ADAMTS13: variants seen among roughly 807,000 people sequenced by gnomAD.
The protein encoded by ADAMTS13 is ADAM metallopeptidase with thrombospondin type 1 motif 13, also known as A disintegrin and metalloproteinase with thrombospondin motifs 13.
ADAMTS13 carries 110 observed loss-of-function variants against 155.1 expected under a neutral mutation model. The observed-to-expected ratio is 0.71, with a 90% CI of 0.61 to 0.83. The LOEUF (loss-of-function observed/expected upper bound fraction) is 0.83, where lower values mean the gene tolerates loss of function less well. ADAMTS13 is among the 40% of genes least tolerant of loss of function. ADAMTS13 has a pLI of 0.00. For synonymous variants in ADAMTS13, 758 were observed against 756.4 expected, an observed-to-expected ratio of 1.00 and a Z score of -0.03; for missense variants, 1,707 against 1,891.7, an observed-to-expected ratio of 0.90 and a Z score of 1.81.
At chr9:133,448,779 G>A in intron 22 of ADAMTS13, 51 bp downstream of exon 22, 1 of 1,584,126 alleles carries the variant, frequency 6.3e-7, no homozygotes, top group Non-Finnish European at 8.5e-7. Flanking sequence ...GTAAGTGGGA[G>A]ACCCGAGCCT....
chr9:133,415,065 C>T, intron 1 of ADAMTS13: 2 of 1,482,352 alleles, frequency 1.3e-6, no homozygotes, highest in Non-Finnish European at 1.8e-6. Context: ...TTACACACAG[C>T]AGATTGAAAA....
chr9:133,437,265 C>G (rs587701728), intron 12 of ADAMTS13, among the ~76,000 whole-genome samples: 1 of 152,164 alleles, frequency 6.6e-6, no homozygotes, highest in South Asian at 2.1e-4. Flanking sequence ...GTTCATGATA[C>G]TTTTTTTGTG....
In ADAMTS13 at chr9:133,436,814, C is replaced by T. The variant is rs1554789129; in HGVS notation, c.1309-15C>T. 3.4e-6 allele frequency: 4 copies of T among 1,161,296 alleles called. No individual in the cohort carries two copies. The highest frequency in any genetic ancestry group is 1.7e-5 in the African/African-American group (1 of 60,510). The allele number at this position is 1,161,296 out of a possible 1,614,324, so 71.9% of individuals were successfully genotyped here. On this transcript the variant is annotated splice_polypyrimidine_tract_variant and intron_variant, in intron 11 of 28. Coordinates refer to ENST00000355699, the MANE Select transcript of ADAMTS13 (RefSeq NM_139027.6). ...GCCCCACCGCCATCCCCCTCCTCTG[C>T]CTCCTCCTGGCCAGGCCTGCGAGAA...
chr9:133,458,976 C>A lies in ADAMTS13; in HGVS notation c.3912C>A (p.Ile1304=). The part of the protein sequence containing the change: ...TEGANASYIL[I]RDTHSLRTTA... Reference sequence around the variant, plus strand: ...CTGGGCTGCCCCTTTTCTCTCAGATCCGGGACACCCACAGCTTGAGGACCA... The same window carrying A: ...CTGGGCTGCCCCTTTTCTCTCAGATACGGGACACCCACAGCTTGAGGACCA... The change falls in exon 29 of 29, where the codon ATC becomes ATA. Residue 1304 remains isoleucine (I), a splice_region_variant and synonymous_variant. Transcript: ENST00000355699. 2 of 1,612,896 alleles carry A rather than the reference C, an allele frequency of 1.2e-6. No individual in the cohort carries two copies. The highest frequency in any genetic ancestry group is 1.7e-6 in the Non-Finnish European group (2 of 1,179,838).
chr9:133,419,671 C>T (rs587604092), upstream of ADAMTS13, among the ~76,000 whole-genome samples: 33 of 152,184 alleles, frequency 2.2e-4, no homozygotes, highest in Middle Eastern at 6.8e-3. Flanking sequence ...CTGAGAAGGA[C>T]GAGGACAGAG....
At chr9:133,446,714 A>G (rs1554792760) in intron 21 of ADAMTS13, among the ~76,000 whole-genome samples, 2 of 152,178 alleles carry the variant, frequency 1.3e-5, no homozygotes, top group South Asian at 4.1e-4. Flanking sequence ...GCTGGGTAAG[A>G]TGAGAATTCT....
intron 11 of ADAMTS13, 48 bp from the exon 12 acceptor site, chr9:133,436,781 C>CA: frequency 4.4e-6 from 2 of 456,510 alleles, no homozygotes; most frequent in Non-Finnish European, 8.7e-6. Context: ...TGACAACACC[C>CA]GCCCCCCGCC....
Position 133,456,583 on chromosome 9 carries a change from G to A in ADAMTS13, c.3588G>A (p.Lys1196=), listed in dbSNP as rs368262020. The A allele has an allele frequency of 5.6e-6, 9 of 1,613,492 alleles. No homozygotes were observed. The highest frequency in any genetic ancestry group is 5.9e-6 in the Non-Finnish European group (7 of 1,179,972). The change falls in exon 27 of 29, where the codon AAG becomes AAA. Residue 1196 remains lysine, a synonymous_variant. Transcript: ENST00000355699. This position sits in a 1 kb window ranked among gnomAD's most constrained non-coding sequence, Gnocchi z 4.4. ...TTTGGGGCCGGCTCACCTGGAGGAA[G>A]ATGTGCAGGAAGCTGTTGGACATGA... is the stretch of plus-strand genomic sequence containing the variant. ...LLLWGRLTWR[K]MCRKLLDMTF... is the part of the protein sequence containing the mutation.
Position 133,424,607 on chromosome 9 carries a change from T to C in ADAMTS13, c.330+129T>C. The C allele has an allele frequency of 1.4e-6, 2 of 1,381,436 alleles. No homozygotes were observed. Among genetic ancestry groups the C allele is most frequent in the Non-Finnish European group, 2.0e-6 (2 of 1,006,674 alleles). 85.6% of individuals were successfully genotyped at this position (1,381,436 alleles called of 1,614,324 possible). On this transcript the variant is annotated intron_variant, in intron 3 of 28. Coordinates refer to ENST00000355699, the MANE Select transcript of ADAMTS13 (RefSeq NM_139027.6). The surrounding 1 kb of genome is among the most constrained non-coding windows in gnomAD (Gnocchi z 4.3). The stretch of plus-strand genomic sequence containing the variant: ...AGGTAGAATGGCTCGGGGTTCTTCC[T>C]CTTCTCCCTCCCTCCCCTGGGTGGA...
At chr9:133,417,885 C>T, upstream of ADAMTS13, 2 of 1,568,772 alleles carry the variant, frequency 1.3e-6, no homozygotes, top group Non-Finnish European at 8.6e-7. Context: ...CCACCCGAGA[C>T]CCCGGCCTCC....
chr9:133,414,412 C>A (rs1015836681), exon 1 of ADAMTS13: 1 of 675,170 alleles, frequency 1.5e-6, no homozygotes, highest in Non-Finnish European at 2.7e-6. Context: ...GGCTTCAGCA[C>A]GCTTTCCTTC....
intron 7 of ADAMTS13, 156 bp from the exon 8 acceptor site, chr9:133,429,783 C>T: frequency 9.7e-7 from 1 of 1,028,940 alleles, no homozygotes; most frequent in South Asian, 1.4e-5. Context: ...AGCCAAGAGC[C>T]GGCTCCTGGT....
rs1841616577 is a variant in ADAMTS13, at chr9:133,440,814, G to A, written c.1968+289G>A. ...TGGAGGGCCCAATGCAGGGGTCCAG[G>A]GCTCCCTGGGAAAGAGTGATGGAGC... On this transcript the variant is annotated intron_variant, in intron 16 of 28. Transcript: ENST00000355699. This position sits in a 1 kb window ranked among gnomAD's most constrained non-coding sequence, Gnocchi z 4.3. 6.6e-6 allele frequency among the ~76,000 whole-genome samples: 1 copy of A among 152,078 alleles called. No individual in the cohort carries two copies. Among genetic ancestry groups the A allele is most frequent in the African/African-American group, 2.4e-5 (1 of 41,422 alleles).
chr9:133,443,282 C>A, intron 18 of ADAMTS13, 94 bp from the exon 19 acceptor site: 2 of 1,475,256 alleles, frequency 1.4e-6, no homozygotes, highest in South Asian at 1.2e-5. Context: ...ATTGCTTGTC[C>A]CAGACCGGGG....
In ADAMTS13 at chr9:133,422,654, G is replaced by A. The variant is rs587701545; in HGVS notation, c.105+106G>A. 83 of 1,142,154 alleles carry A rather than the reference G, an allele frequency of 7.3e-5. No homozygotes were observed. The South Asian group carries it at 1.1e-3, about 15-fold the overall frequency. The allele number at this position is 1,142,154 out of a possible 1,614,324, so 70.8% of individuals were successfully genotyped here. A position where few individuals can be genotyped will look rare whatever the true frequency, so the allele number is the denominator to read the frequency against. Reference sequence around the variant, plus strand: ...CAAATAGCTGACTACATCAGCTTTGGGGTTTGCGCTGGGCAGGGGAGTCTG... The same window carrying A: ...CAAATAGCTGACTACATCAGCTTTGAGGTTTGCGCTGGGCAGGGGAGTCTG... On this transcript the variant is annotated intron_variant, in intron 1 of 28. Coordinates refer to ENST00000355699, the MANE Select transcript of ADAMTS13 (RefSeq NM_139027.6).
chr9:133,455,064 GGTGAC>G (rs1842659529), intron 24 of ADAMTS13, among the ~76,000 whole-genome samples: 1 of 152,116 alleles, frequency 6.6e-6, no homozygotes, highest in African/African-American at 2.4e-5. Flanking sequence ...AGGCCGTGAG[GGTGAC>G]AGGGACCCAG....
At chr9:133,416,428 G>A (rs113361172) in intron 1 of ADAMTS13, among the ~76,000 whole-genome samples, 8,678 of 152,234 alleles carry the variant, frequency 0.057, 341 homozygotes, top group Middle Eastern at 0.099. Context: ...GCCCAGGCTG[G>A]ACTTGAACTC....
At chr9:133,419,987 C>G (rs1839887853), upstream of ADAMTS13, among the ~76,000 whole-genome samples, 1 of 152,166 alleles carries the variant, frequency 6.6e-6, no homozygotes, top group African/African-American at 2.4e-5. Flanking sequence ...TCACCGCAAC[C>G]TCCACCTCCC....
intron 1 of ADAMTS13, chr9:133,414,659 A>G (rs782779185): frequency 6.2e-7 from 1 of 1,613,558 alleles, no homozygotes; most frequent in Admixed American, 1.7e-5. Context: ...GGTGGCCCAT[A>G]CTTACTCGGT....
Sources: allele counts gnomAD v4.1 joint callset (sites outside exome capture counted in the v4.1 genomes callset), GRCh38; gene constraint gnomAD v4.1.1; non-coding constraint Gnocchi (gnomAD v3.1); transcripts MANE v1.5; gene names NCBI Gene and HGNC (gene_info 2026-07-23, HGNC 2026-07-21).